CFAP74: variants seen among roughly 807,000 people sequenced by gnomAD.
CFAP74 encodes the protein cilia and flagella associated protein 74.
Under a neutral mutation model 188.9 loss-of-function variants are expected in CFAP74, and 124 were observed. The ratio of observed to expected loss-of-function variants is 0.66; its 90% CI spans 0.57 to 0.76. The LOEUF is 0.76. Ranked by LOEUF, CFAP74 falls within the 30% of genes least tolerant of loss-of-function variation. The probability of loss-of-function intolerance (pLI) is 0.00; values close to 1 mark genes in which losing one functional copy is unlikely to be tolerated. For synonymous variants in CFAP74, 956 were observed against 916.7 expected (o/e 1.04, Z -0.77); for missense variants, 2,198 against 2,165.2 (o/e 1.02, Z -0.30).
chr1:1,993,412 A>G (rs1270750570), intron 1 of CFAP74, among the ~76,000 whole-genome samples: 1 of 151,116 alleles, frequency 6.6e-6, no homozygotes, highest in African/African-American at 2.4e-5. Context: ...AGCCTCCCAA[A>G]GGAGCTGGGA....
At chr1:1,966,649 C>G in intron 11 of CFAP74, 123 bp from the exon 12 acceptor site, 1 of 821,826 alleles carries the variant, frequency 1.2e-6, no homozygotes, top group Non-Finnish European at 1.7e-6. Context: ...CTCACGTACT[C>G]TGCATGGAGA....
intron 9 of CFAP74, among the ~76,000 whole-genome samples, chr1:1,971,232 TGC>T (rs1558042874): frequency 2.1e-5 from 3 of 141,918 alleles, no homozygotes; most frequent in Non-Finnish European, 4.5e-5. Context: ...CGTGCACGCC[TGC>T]ACACACATGC....
At position 1,947,046 on chromosome 1, in the gene CFAP74, T is replaced by G; in HGVS notation, c.2185A>C (p.Arg729=). 2.0e-6 allele frequency: 3 copies of G among 1,535,848 alleles called. No individual in the cohort carries two copies. The highest frequency in any genetic ancestry group is 2.6e-6 in the Non-Finnish European group (3 of 1,146,650). ...QEEEQPAEPE[R]LTTVIPPSEE... ...CTGGGAGGTATCACTGTGGTTAATC[T>G]CTCTGGTTCTGGAAGAGAAGGGGGA... Residue 729 remains arginine, a synonymous_variant, in exon 19 of 39, where the codon AGA becomes CGA. Transcript: ENST00000682832.
At position 1,963,605 on chromosome 1, in the gene CFAP74, C is replaced by T. The variant is rs1655251978; in HGVS notation, c.1694+144G>A. 2.9e-5 allele frequency: 16 copies of T among 561,248 alleles called. 1 individual carries two copies. In the South Asian group the frequency reaches 3.5e-4, roughly 12 times the overall value. The allele number at this position is 561,248 out of a possible 1,614,324, so 34.8% of individuals were successfully genotyped here. Reference sequence around the variant, plus strand: ...CTTTGACACAAGAAGACAGAGGAGCCCCCTCTACAAAATCTTCGTGAAAAT... The same window carrying T: ...CTTTGACACAAGAAGACAGAGGAGCTCCCTCTACAAAATCTTCGTGAAAAT... On this transcript the variant is annotated intron_variant, in intron 14 of 38. Transcript: ENST00000682832.
rs1656347563 is a variant in CFAP74 at position 1,975,003 on chromosome 1, C to G, written c.501-805G>C. On this transcript the variant is annotated intron_variant, in intron 6 of 38. Coordinates refer to ENST00000682832, the MANE Select transcript of CFAP74 (RefSeq NM_001304360.2). This position sits in a 1 kb window ranked among gnomAD's most constrained non-coding sequence, Gnocchi z 4.5. Reference sequence around the variant, plus strand: ...AACGGTTCCACCCAGAGATGCGGCTCAGGCCGGGGCTGGCCACGCGAGGAT... The same window carrying G: ...AACGGTTCCACCCAGAGATGCGGCTGAGGCCGGGGCTGGCCACGCGAGGAT... Among the ~76,000 whole-genome samples, 1 of 152,244 alleles carries G rather than the reference C, an allele frequency of 6.6e-6. No homozygotes were observed. Among genetic ancestry groups the G allele is most frequent in the African/African-American group, 2.4e-5 (1 of 41,466 alleles).
intron 24 of CFAP74, among the ~76,000 whole-genome samples, 196 bp downstream of exon 24, chr1:1,939,398 C>G (rs1013345520): frequency 6.6e-6 from 1 of 152,150 alleles, no homozygotes; most frequent in South Asian, 2.1e-4. Flanking sequence ...TGCACAGGAC[C>G]GAGGCAGAAG....
intron 14 of CFAP74, among the ~76,000 whole-genome samples, chr1:1,961,750 C>T (rs989551671): frequency 6.6e-6 from 1 of 152,210 alleles, no homozygotes; most frequent in Non-Finnish European, 1.5e-5. Context: ...CCATGCCCGC[C>T]TTCACAGAGA....
chr1:1,966,487 G>A lies in CFAP74; in HGVS notation c.1285C>T (p.Leu429=). The A allele has an allele frequency of 6.3e-7, 1 of 1,598,920 alleles. No individual in the cohort carries two copies. Among genetic ancestry groups the A allele is most frequent in the South Asian group, 1.1e-5 (1 of 89,366 alleles). ...ATAAGCTCACTGGAAACGACTTCCA[G>A]CAACCGAGAGGGCCCGGGGCCTGCA... is the stretch of plus-strand genomic sequence containing the variant. The part of the protein sequence containing the change: ...AAAGPGPSRL[L]EVVSSELIQG... Residue 429 remains leucine, a synonymous_variant, in exon 12 of 39, where the codon CTG becomes TTG. Transcript: ENST00000682832.
chr1:1,933,080 G>A (rs1190798881), intron 25 of CFAP74, among the ~76,000 whole-genome samples: 1 of 150,340 alleles, frequency 6.7e-6, no homozygotes, highest in Non-Finnish European at 1.5e-5. Context: ...TAGAGACGGG[G>A]TTTCAACGTG....
chr1:1,970,938 C>T (rs1191763662), intron 9 of CFAP74, 122 bp from the exon 10 acceptor site: 1 of 1,186,502 alleles, frequency 8.4e-7, no homozygotes, highest in Non-Finnish European at 1.2e-6. Context: ...TGCACACACA[C>T]ATGCACACCT....
chr1:1,927,607 C>G lies in CFAP74; in HGVS notation c.3527G>C (p.Ser1176Thr), dbSNP rs1652011325. 6.5e-7 allele frequency: 1 copy of G among 1,548,984 alleles called. No homozygotes were observed. The highest frequency in any genetic ancestry group is 1.4e-5 in the African/African-American group (1 of 73,050). Residue 1176 changes from serine to threonine, a missense_variant and splice_region_variant, in exon 28 of 39, where the codon AGT becomes ACT. Ser to Thr is a moderately conservative substitution (Grantham distance 58, BLOSUM62 1). Transcript: ENST00000682832. ...GTGGGGCAGCCCCTCCTGGACCCACCTGGGCCTCAGCTCCCGCTTCCGCAT... is the reference window on the plus strand; with the variant it reads ...GTGGGGCAGCCCCTCCTGGACCCACGTGGGCCTCAGCTCCCGCTTCCGCAT... ...LEMRKRELRP[S>T]SDEYQAARAT...
chr1:1,927,999 C>CG, intron 27 of CFAP74: 1 of 508,104 alleles, frequency 2.0e-6, no homozygotes, highest in African/African-American at 1.9e-5. Flanking sequence ...AGTGAGGAGG[C>CG]GGCCAGAACC....
intron 2 of CFAP74, among the ~76,000 whole-genome samples, chr1:1,990,391 G>A (rs1262289832): frequency 6.7e-6 from 1 of 150,162 alleles, no homozygotes; most frequent in East Asian, 2.0e-4. Flanking sequence ...ACAGTGGCGG[G>A]GGGCAGGGGG....
chr1:1,943,474 C>G (rs1237506996), intron 21 of CFAP74, among the ~76,000 whole-genome samples: 2 of 152,248 alleles, frequency 1.3e-5, no homozygotes, highest in Admixed American at 1.3e-4. Flanking sequence ...CCCGGGGCCT[C>G]TGTGTCCGCA....
chr1:1,930,184 T>TG lies in CFAP74; in HGVS notation c.3163dup (p.His1055ProfsTer142). 1 of 1,534,740 alleles carries TG rather than the reference T, an allele frequency of 6.5e-7. No individual in the cohort carries two copies. Among genetic ancestry groups the TG allele is most frequent in the East Asian group, 2.4e-5 (1 of 40,884 alleles). On this transcript the variant is annotated frameshift_variant, in exon 26 of 39. Coordinates refer to ENST00000682832, the MANE Select transcript of CFAP74 (RefSeq NM_001304360.2). LOFTEE classifies it high-confidence loss of function. ...CTCTGAGCCAATGCGGGGCTTGGAG[T>TG]GGGTCGGTGAGCTCATGCTCAGGTG... is the stretch of plus-strand genomic sequence containing the variant.
chr1:1,978,501 A>C (rs374448197), intron 6 of CFAP74, among the ~76,000 whole-genome samples: 39 of 152,156 alleles, frequency 2.6e-4, no homozygotes, highest in Non-Finnish European at 4.4e-4. Flanking sequence ...ACTCAAGTCC[A>C]GTTTATCTGA....
rs897460590 is a variant in CFAP74 at position 1,933,185 on chromosome 1, CT to C, written c.3012-2850del. On this transcript the variant is annotated intron_variant, in intron 25 of 38. Coordinates refer to ENST00000682832, the MANE Select transcript of CFAP74 (RefSeq NM_001304360.2). The stretch of plus-strand genomic sequence containing the variant: ...ACATGCGGGAGCCACCGTGCCTGAC[CT>C]TTTTTTTTTTTTTTTTGAAATGGAG... 3.4e-3 allele frequency among the ~76,000 whole-genome samples: 450 copies of C among 133,174 alleles called. 3 individuals carry two copies. Among genetic ancestry groups the C allele is most frequent in the African/African-American group, 5.1e-3 (183 of 36,060 alleles). 87.4% of individuals were successfully genotyped at this position (133,174 alleles called of 152,430 possible). A position where few individuals can be genotyped will look rare whatever the true frequency, so the allele number is the denominator to read the frequency against.
At chr1:1,999,416 T>TG (rs772496698) in intron 1 of CFAP74, among the ~76,000 whole-genome samples, 3 of 152,120 alleles carry the variant, frequency 2.0e-5, no homozygotes, top group South Asian at 2.1e-4. Context: ...GGGGAGTCGA[T>TG]GGGGGGTGGG....
intron 14 of CFAP74, 116 bp downstream of exon 14, chr1:1,963,633 G>A: frequency 1.6e-6 from 1 of 642,532 alleles, no homozygotes; most frequent in Non-Finnish European, 2.7e-6. Flanking sequence ...GTGAAAATCG[G>A]ACCTGAGGGC....
Sources: gnomAD v4.1 joint callset for allele counts (sites outside exome capture counted in the v4.1 genomes callset) on GRCh38, gnomAD v4.1.1 for gene constraint, Gnocchi (gnomAD v3.1) non-coding constraint, MANE v1.5 for transcripts, NCBI Gene and HGNC (gene_info 2026-07-23, HGNC 2026-07-21) for gene names.